The following MTHFSD variants were observed in gnomAD, a reference collection of about 807,000 sequenced individuals.
MTHFSD encodes methenyltetrahydrofolate synthetase domain containing, also known as methenyltetrahydrofolate synthase domain-containing protein.
A neutral mutation model predicts 31.1 loss-of-function variants in MTHFSD; 37 were observed. The ratio of observed to expected loss-of-function variants is 1.19; its 90% CI spans 0.91 to 1.56. The LOEUF (loss-of-function observed/expected upper bound fraction) is 1.56. Among genes scored for constraint, MTHFSD ranks in the 40% most tolerant of loss-of-function variants. The pLI, the probability that MTHFSD is intolerant of heterozygous loss-of-function variation, is 0.00. For synonymous variants in MTHFSD, 221 were observed against 206.9 expected (o/e 1.07, Z -0.59); for missense variants, 664 against 510.1 (o/e 1.30, Z -2.91).
intron 2 of MTHFSD, chr16:86,552,398 C>A: frequency 1.1e-6 from 1 of 943,528 alleles, no homozygotes. Flanking sequence ...CACTAACAGT[C>A]ACCCAAAGAA....
In MTHFSD at chr16:86,547,095, G is replaced by T. The variant is rs147738845; in HGVS notation, c.352-446C>A. On this transcript the variant is annotated intron_variant, in intron 4 of 7. Transcript: ENST00000360900. The stretch of plus-strand genomic sequence containing the variant: ...CCTCTGCCTCGTCGGACCAGTGTTG[G>T]AATTAAATAACAAAACGTATGCATT... The T allele has an allele frequency of 6.6e-4, 590 of 893,138 alleles. 2 individuals carry two copies. The African/African-American group carries it at 9.9e-3, about 15-fold the overall frequency. The allele number at this position is 893,138 out of a possible 1,614,324, so 55.3% of individuals were successfully genotyped here.
chr16:86,534,353 T>G (rs1263110890), intron 7 of MTHFSD, among the ~76,000 whole-genome samples: 1 of 152,200 alleles, frequency 6.6e-6, no homozygotes, highest in African/African-American at 2.4e-5. Flanking sequence ...CTCCCTGTGA[T>G]GTGCACGGAA....
intron 7 of MTHFSD, 143 bp downstream of exon 7, chr16:86,541,554 G>C (rs762733673): frequency 4.8e-4 from 557 of 1,153,510 alleles, no homozygotes; most frequent in Non-Finnish European, 6.2e-4. Flanking sequence ...TCATTCAGGA[G>C]CCAAATTGCT....
chr16:86,538,645 G>A (rs76649266), intron 7 of MTHFSD, among the ~76,000 whole-genome samples: 3,428 of 152,284 alleles, frequency 0.023, 137 homozygotes, highest in African/African-American at 0.079. Flanking sequence ...CCTGACACAC[G>A]GCTGTCACAG....
chr16:86,551,868 G>T (rs1306445292), intron 3 of MTHFSD, 165 bp downstream of exon 3: 2 of 1,315,598 alleles, frequency 1.5e-6, no homozygotes, highest in African/African-American at 1.5e-5. Context: ...AAGGGCTTCT[G>T]AACTATTCTT....
At chr16:86,534,170 T>A (rs975167643) in intron 7 of MTHFSD, among the ~76,000 whole-genome samples, 17 of 152,230 alleles carry the variant, frequency 1.1e-4, no homozygotes, top group African/African-American at 3.9e-4. Flanking sequence ...CATGAACATA[T>A]CCACGATGCG....
In MTHFSD at chr16:86,532,330, C is replaced by A; in HGVS notation, c.833G>T (p.Arg278Met). ...TTCTGGTCCGGGTGTGTCCGGGGGCCTCCTGCCAACACTCAGGGGCACTGT... is the reference window on the plus strand; with the variant it reads ...TTCTGGTCCGGGTGTGTCCGGGGGCATCCTGCCAACACTCAGGGGCACTGT... ...QQTVPLSVGR[R>M]PPDTPGPETN... is the part of the protein sequence containing the mutation. Residue 278 changes from arginine to methionine, a missense_variant, in exon 8 of 8, where the codon AGG becomes ATG. Physicochemically the swap from Arg to Met is moderately conservative, Grantham distance 91. Transcript: ENST00000360900. 6.3e-7 allele frequency: 1 copy of A among 1,595,370 alleles called. No individual in the cohort carries two copies. The highest frequency in any genetic ancestry group is 8.5e-7 in the Non-Finnish European group (1 of 1,171,728).
At chr16:86,554,509 G>C in intron 2 of MTHFSD, 136 bp downstream of exon 2, 1 of 712,916 alleles carries the variant, frequency 1.4e-6, no homozygotes, top group Non-Finnish European at 2.4e-6. Context: ...TGGCCAAATG[G>C]CTTTGATTTC....
At chr16:86,540,117 C>T (rs1332933093) in intron 7 of MTHFSD, among the ~76,000 whole-genome samples, 5 of 152,016 alleles carry the variant, frequency 3.3e-5, no homozygotes, top group African/African-American at 1.2e-4. Flanking sequence ...GCATGGCTAG[C>T]GAGACTAAAA....
chr16:86,554,153 G>A (rs1012195087), intron 2 of MTHFSD, among the ~76,000 whole-genome samples: 1 of 152,058 alleles, frequency 6.6e-6, no homozygotes, highest in Non-Finnish European at 1.5e-5. Flanking sequence ...TTTGTTCTTT[G>A]CAATAAATCT....
At chr16:86,551,906 T>C in intron 3 of MTHFSD, 127 bp downstream of exon 3, 1 of 1,493,834 alleles carries the variant, frequency 6.7e-7, no homozygotes, top group South Asian at 1.4e-5. Flanking sequence ...GGGCACTTTC[T>C]GTATTGGAGG....
intron 4 of MTHFSD, 127 bp from the exon 5 acceptor site, chr16:86,546,776 A>G: frequency 1.3e-6 from 1 of 752,024 alleles, no homozygotes; most frequent in Non-Finnish European, 2.2e-6. Context: ...CACACGCAAC[A>G]CCGGAGATGT....
Position 86,531,187 on chromosome 16 carries a change from G to C in MTHFSD, c.*824C>G, listed in dbSNP as rs111512587. 1 of 152,320 alleles carries C rather than the reference G, an allele frequency of 6.6e-6. No individual in the cohort carries two copies. The highest frequency in any genetic ancestry group is 1.5e-5 in the Non-Finnish European group (1 of 68,032). 9.4% of individuals were successfully genotyped at this position (152,320 alleles called of 1,614,324 possible). On this transcript the variant is annotated 3_prime_UTR_variant, in exon 8 of 8. Transcript: ENST00000360900. The surrounding 1 kb of genome is among the most constrained non-coding windows in gnomAD (Gnocchi z 5.5). ...GTTGCCCGGGATCAATTGCAAAAGC[G>C]CTTCTGTTGAGAAAGGACAGTTCAG...
rs1293820804 is a variant in MTHFSD, at chr16:86,545,623, C to CGG, written c.442+935_442+936insCC. 2.0e-5 allele frequency among the ~76,000 whole-genome samples: 3 copies of CGG among 152,154 alleles called. No individual in the cohort carries two copies. In the East Asian group the frequency reaches 5.8e-4, roughly 29 times the overall value. ...GCAGGAGCCAGCCCTGAGGCCGCTACTGAGGAGATGCCCCCTCCAGGCTGG... is the reference window on the plus strand; with the variant it reads ...GCAGGAGCCAGCCCTGAGGCCGCTACGGTGAGGAGATGCCCCCTCCAGGCTGG... On this transcript the variant is annotated intron_variant, in intron 5 of 7. Coordinates refer to ENST00000360900, the MANE Select transcript of MTHFSD (RefSeq NM_001159377.2).
chr16:86,534,424 T>G (rs1211596441), intron 7 of MTHFSD, among the ~76,000 whole-genome samples: 1 of 152,138 alleles, frequency 6.6e-6, no homozygotes, highest in Admixed American at 6.5e-5. Context: ...AAACCCCAAG[T>G]GTGAAGCCTC....
intron 7 of MTHFSD, among the ~76,000 whole-genome samples, chr16:86,539,655 T>C (rs1198145859): frequency 2.6e-5 from 4 of 152,148 alleles, no homozygotes; most frequent in Non-Finnish European, 5.9e-5. Flanking sequence ...CCACCGGATG[T>C]TGATGGTCAA....
Position 86,548,397 on chromosome 16 carries a change from TAA to T in MTHFSD, c.351+65_351+66del. On this transcript the variant is annotated intron_variant, in intron 4 of 7. Transcript: ENST00000360900. ...CCAACTGTGTGCTGCTATCTTATGC[TAA>T]GTCGTCAGAAGCCTTCACAGGGTAC... The T allele has an allele frequency of 5.6e-6, 7 of 1,243,458 alleles. No homozygotes were observed. In the South Asian group the frequency reaches 8.9e-5, roughly 16 times the overall value. 77.0% of individuals were successfully genotyped at this position (1,243,458 alleles called of 1,614,324 possible). A position where few individuals can be genotyped will look rare whatever the true frequency, so the allele number is the denominator to read the frequency against.
intron 3 of MTHFSD, among the ~76,000 whole-genome samples, chr16:86,548,892 G>A (rs1416271204): frequency 2.0e-5 from 3 of 152,206 alleles, no homozygotes; most frequent in African/African-American, 7.2e-5. Flanking sequence ...ACTAAGGTCA[G>A]TTCTGACAAA....
At chr16:86,541,946 G>T in intron 6 of MTHFSD, 124 bp from the exon 7 acceptor site, 1 of 1,428,414 alleles carries the variant, frequency 7.0e-7, no homozygotes, top group Non-Finnish European at 9.6e-7. Flanking sequence ...CTGGGGCTAA[G>T]GCTTAGCCGC....
Sources: gnomAD v4.1 joint callset for allele counts (sites outside exome capture counted in the v4.1 genomes callset) on GRCh38, gnomAD v4.1.1 for gene constraint, Gnocchi (gnomAD v3.1) non-coding constraint, MANE v1.5 for transcripts, NCBI Gene and HGNC (gene_info 2026-07-23, HGNC 2026-07-21) for gene names.